Variants in AVEN observed in about 807,000 individuals in gnomAD.
AVEN encodes the protein cell death regulator Aven.
A neutral mutation model predicts 38.1 loss-of-function variants in AVEN; 41 were observed. The observed-to-expected ratio is 1.08, with a 90% CI of 0.84 to 1.40. The LOEUF (loss-of-function observed/expected upper bound fraction) is 1.40. Ranked by LOEUF, AVEN falls within the 40% of genes most tolerant of loss-of-function variation. The probability of loss-of-function intolerance (pLI) is 0.00; values close to 1 mark genes in which losing one functional copy is unlikely to be tolerated. For missense variants in AVEN, 605 were observed against 438.8 expected (o/e 1.38, Z -3.38); for synonymous variants, 206 against 171.8 (o/e 1.20, Z -1.56).
At chr15:33,980,908 G>A (rs1483154909) in intron 2 of AVEN, among the ~76,000 whole-genome samples, 3 of 152,066 alleles carry the variant, frequency 2.0e-5, no homozygotes, top group Non-Finnish European at 2.9e-5. Context: ...CCTAAAAATC[G>A]TATCACTAGA....
At position 34,063,341 on chromosome 15, in the gene AVEN, C is replaced by T. The variant is rs768500874; in HGVS notation, n.1218G>A. 9 of 1,614,182 alleles carry T rather than the reference C, an allele frequency of 5.6e-6. No homozygotes were observed. The highest frequency in any genetic ancestry group is 7.6e-6 in the Non-Finnish European group (9 of 1,180,046). On this transcript the variant is annotated non_coding_transcript_exon_variant, in exon 5 of 12. Coordinates refer to the AVEN transcript ENST00000675287. This position sits in a 1 kb window ranked among gnomAD's most constrained non-coding sequence, Gnocchi z 4.1. ...CTGCCTTCTACATCCCTGTTTCTGT[C>T]ATGACCATCCTCTACTGTCGAATCT...
chr15:33,884,565 T>C (rs1891624765), intron 2 of AVEN, among the ~76,000 whole-genome samples: 1 of 152,174 alleles, frequency 6.6e-6, no homozygotes, highest in South Asian at 2.1e-4. Flanking sequence ...AGTGGCAAAG[T>C]GGACATTAAA....
downstream of AVEN, chr15:33,865,031 C>T (rs1026736822): frequency 6.2e-6 from 5 of 803,324 alleles, no homozygotes; most frequent in African/African-American, 6.8e-5. Context: ...TATAAATTCA[C>T]ATCAGTCTTC....
downstream of AVEN, chr15:33,854,938 G>T (rs372124683): frequency 6.3e-7 from 1 of 1,593,576 alleles, no homozygotes; most frequent in Non-Finnish European, 8.5e-7. Flanking sequence ...ATGCAGAACA[G>T]AATGGACCTG....
intron 11 of AVEN, chr15:33,859,793 C>A: frequency 6.7e-7 from 1 of 1,489,872 alleles, no homozygotes; most frequent in South Asian, 1.2e-5. Context: ...TGCTTTCTTC[C>A]ATCTATGACT....
intron 3 of AVEN, among the ~76,000 whole-genome samples, chr15:33,875,072 G>A (rs1046488750): frequency 4.6e-5 from 7 of 152,110 alleles, no homozygotes; most frequent in Admixed American, 6.5e-5. Context: ...ATCCGTATGC[G>A]TCAAAGGCCA....
At chr15:33,930,802 A>G (rs1306350525) in intron 2 of AVEN, among the ~76,000 whole-genome samples, 1 of 152,032 alleles carries the variant, frequency 6.6e-6, no homozygotes, top group African/African-American at 2.4e-5. Context: ...AAAAATACAA[A>G]AAATTAACCG....
In AVEN at chr15:33,886,138, TTCTA is replaced by T. The variant is rs201339181; in HGVS notation, c.446-10147_446-10144del. Among the ~76,000 whole-genome samples, 548 of 152,226 alleles carry T rather than the reference TTCTA, an allele frequency of 3.6e-3. 3 individuals carry two copies. The highest frequency in any genetic ancestry group is 0.016 in the South Asian group (77 of 4,826). On this transcript the variant is annotated intron_variant, in intron 2 of 5. Transcript: ENST00000306730. Reference sequence around the variant, plus strand: ...ATCACGGCCCAAACAAGATAAAAGATTCTATCTCTGTTGATATGGTTTGGCTCTG... The same window carrying T: ...ATCACGGCCCAAACAAGATAAAAGATTCTCTGTTGATATGGTTTGGCTCTG...
intron 2 of AVEN, among the ~76,000 whole-genome samples, chr15:33,921,851 C>T (rs1198652286): frequency 6.6e-6 from 1 of 152,136 alleles, no homozygotes; most frequent in African/African-American, 2.4e-5. Flanking sequence ...ATTGTCTTGT[C>T]TCTGCTCAGG....
At chr15:33,883,351 GT>G (rs569157983) in intron 2 of AVEN, among the ~76,000 whole-genome samples, 1 of 151,820 alleles carries the variant, frequency 6.6e-6, no homozygotes, top group Non-Finnish European at 1.5e-5. Flanking sequence ...TTTAATTTGA[GT>G]TTTTTTCTTG....
chr15:33,930,622 A>G (rs1364606026), intron 2 of AVEN, among the ~76,000 whole-genome samples: 1 of 152,202 alleles, frequency 6.6e-6, no homozygotes, highest in African/African-American at 2.4e-5. Flanking sequence ...TAAGATTATC[A>G]TGTTCAATAT....
intron 1 of AVEN, among the ~76,000 whole-genome samples, chr15:34,004,670 T>C (rs1295290736): frequency 6.6e-6 from 1 of 152,154 alleles, no homozygotes; most frequent in Non-Finnish European, 1.5e-5. Context: ...CATGTGAGGT[T>C]TGCTCCAAAA....
intron 1 of AVEN, among the ~76,000 whole-genome samples, chr15:34,031,746 A>G (rs1898844994): frequency 6.6e-6 from 1 of 152,188 alleles, no homozygotes; most frequent in Non-Finnish European, 1.5e-5. Flanking sequence ...CTTTTAAGCA[A>G]TTTAAGGCTT....
intron 2 of AVEN, among the ~76,000 whole-genome samples, chr15:33,971,378 C>G (rs1164710000): frequency 6.6e-6 from 1 of 151,916 alleles, no homozygotes; most frequent in Non-Finnish European, 1.5e-5. Flanking sequence ...GCTGCCATAT[C>G]CTTATAATAA....
intron 5 of AVEN, among the ~76,000 whole-genome samples, chr15:34,048,160 G>A (rs1319723794): frequency 6.6e-6 from 1 of 152,212 alleles, no homozygotes; most frequent in African/African-American, 2.4e-5. Context: ...ACAGGCGTAA[G>A]CCACCACACC....
downstream of AVEN, among the ~76,000 whole-genome samples, chr15:33,855,412 C>CA (rs1226170342): frequency 6.6e-6 from 1 of 152,182 alleles, no homozygotes; most frequent in African/African-American, 2.4e-5. Flanking sequence ...CCATGTTGGC[C>CA]AGGCTGGTCT....
intron 2 of AVEN, among the ~76,000 whole-genome samples, chr15:33,884,123 G>C (rs770938023): frequency 6.6e-6 from 1 of 152,124 alleles, no homozygotes; most frequent in Non-Finnish European, 1.5e-5. Context: ...CAAGTAGCTA[G>C]AAATACAGAT....
At chr15:33,954,288 G>T (rs1180399153) in intron 2 of AVEN, among the ~76,000 whole-genome samples, 1 of 152,058 alleles carries the variant, frequency 6.6e-6, no homozygotes, top group Non-Finnish European at 1.5e-5. Context: ...TTGACCCAGC[G>T]ATCCCATTAC....
chr15:34,073,495 C>CT (rs1900671319), intron 1 of AVEN, among the ~76,000 whole-genome samples: 1 of 146,786 alleles, frequency 6.8e-6, no homozygotes, highest in African/African-American at 2.5e-5. Flanking sequence ...ATAGGGAGCT[C>CT]TTTTTTCTTT....
Sources: gnomAD v4.1 joint callset for allele counts (sites outside exome capture counted in the v4.1 genomes callset) on GRCh38, gnomAD v4.1.1 for gene constraint, Gnocchi (gnomAD v3.1) non-coding constraint, MANE v1.5 for transcripts, NCBI Gene and HGNC (gene_info 2026-07-23, HGNC 2026-07-21) for gene names.